Variants in CDH18 observed in about 807,000 individuals in gnomAD.
CDH18 encodes the protein cadherin-18.
Under a neutral mutation model 67.9 loss-of-function variants are expected in CDH18, and 31 were observed. That is an observed-to-expected ratio of 0.46 (90% CI 0.34 to 0.62). The LOEUF (loss-of-function observed/expected upper bound fraction) is 0.62. Ranked by LOEUF, CDH18 falls within the 20% of genes least tolerant of loss-of-function variation. The pLI is 0.01. For synonymous variants in CDH18, 362 were observed against 347.2 expected, an observed-to-expected ratio of 1.04 and a Z score of -0.48; for missense variants, 890 against 975.5, an observed-to-expected ratio of 0.91 and a Z score of 1.17.
At chr5:20,129,089 T>A (rs1749057049) in intron 2 of CDH18, among the ~76,000 whole-genome samples, 1 of 151,938 alleles carries the variant, frequency 6.6e-6, no homozygotes, top group South Asian at 2.1e-4. Flanking sequence ...ATAAGTAGCT[T>A]AAAGCATATG....
chr5:20,287,058 A>G (rs1022741198), intron 1 of CDH18, among the ~76,000 whole-genome samples: 2 of 151,618 alleles, frequency 1.3e-5, no homozygotes, highest in Non-Finnish European at 3.0e-5. Flanking sequence ...GCTAATTTGG[A>G]CTCTTAAGTT....
chr5:20,149,057 T>C (rs1297811552), intron 2 of CDH18, among the ~76,000 whole-genome samples: 1 of 152,174 alleles, frequency 6.6e-6, no homozygotes, highest in Non-Finnish European at 1.5e-5. Flanking sequence ...CTAAGGAATA[T>C]TGGTAGCTGA....
chr5:20,563,904 G>A (rs1758355306), intron 1 of CDH18, among the ~76,000 whole-genome samples: 1 of 152,016 alleles, frequency 6.6e-6, no homozygotes, highest in South Asian at 2.1e-4. Context: ...AAATAAACTA[G>A]TAGAGAAGCC....
At chr5:19,846,565 G>A (rs1782977941) in intron 2 of CDH18, among the ~76,000 whole-genome samples, 1 of 152,040 alleles carries the variant, frequency 6.6e-6, no homozygotes, top group Non-Finnish European at 1.5e-5. Context: ...TCAGCCCATT[G>A]TGGAGCTAAA....
intron 4 of CDH18, among the ~76,000 whole-genome samples, chr5:19,727,640 G>C (rs1019043373): frequency 3.3e-5 from 5 of 152,170 alleles, no homozygotes; most frequent in Admixed American, 3.3e-4. Flanking sequence ...GTGTGCTAGA[G>C]TTTCAGTGGG....
chr5:20,029,678 A>T (rs572277060), intron 2 of CDH18, among the ~76,000 whole-genome samples: 1 of 152,224 alleles, frequency 6.6e-6, no homozygotes, highest in Admixed American at 6.5e-5. Context: ...TGAATTTTAA[A>T]GTCTTATTAT....
At chr5:20,044,773 T>C (rs1360674613) in intron 2 of CDH18, among the ~76,000 whole-genome samples, 1 of 152,174 alleles carries the variant, frequency 6.6e-6, no homozygotes, top group Non-Finnish European at 1.5e-5. Context: ...CTCCATTTTG[T>C]CTCTCTATGT....
chr5:19,473,636 C>G lies in CDH18; in HGVS notation c.1963G>C (p.Val655Leu), dbSNP rs779693583. 3 of 1,613,684 alleles carry G rather than the reference C, an allele frequency of 1.9e-6. No homozygotes were observed. Among genetic ancestry groups the G allele is most frequent in the East Asian group, 2.2e-5 (1 of 44,886 alleles). ...CCTCCTTCATCATCATAGGTGACCACGTTCTCCCGTACATCCTCTTCTGAA... is the reference window on the plus strand; with the variant it reads ...CCTCCTTCATCATCATAGGTGACCAGGTTCTCCCGTACATCCTCTTCTGAA... ...IISEEDVREN[V>L]VTYDDEGGGE... The change falls in exon 13 of 13, where the codon GTG (valine) becomes CTG (leucine). Residue 655 changes from valine (V) to leucine (L), a missense_variant. Physicochemically the swap from Val to Leu is conservative, Grantham distance 32 (BLOSUM62 1). Coordinates refer to ENST00000382275, the MANE Select transcript of CDH18 (RefSeq NM_004934.5).
intron 1 of CDH18, among the ~76,000 whole-genome samples, chr5:20,376,842 C>A (rs1743487337): frequency 6.6e-6 from 1 of 151,692 alleles, no homozygotes; most frequent in African/African-American, 2.4e-5. Context: ...CATGGTGAAA[C>A]CCCATCTCTA....
intron 2 of CDH18, among the ~76,000 whole-genome samples, chr5:20,005,422 AC>A (rs1216258614): frequency 2.9e-5 from 2 of 70,142 alleles, no homozygotes; most frequent in African/African-American, 6.8e-5. Context: ...ATGTACACAC[AC>A]ACACACACAC....
intron 2 of CDH18, among the ~76,000 whole-genome samples, chr5:20,056,797 C>A (rs941951199): frequency 8.7e-5 from 13 of 149,626 alleles, no homozygotes; most frequent in Non-Finnish European, 1.3e-4. Context: ...CATTCTCCTG[C>A]CTCAGTCTCC....
intron 1 of CDH18, among the ~76,000 whole-genome samples, chr5:20,543,586 T>C (rs151316129): frequency 4.5e-4 from 69 of 152,242 alleles, no homozygotes; most frequent in Non-Finnish European, 7.8e-4. Flanking sequence ...TTAAATAGAA[T>C]AGAAGTTGTA....
chr5:20,248,740 A>C (rs1217638590), intron 2 of CDH18, among the ~76,000 whole-genome samples: 1 of 152,196 alleles, frequency 6.6e-6, no homozygotes, highest in Non-Finnish European at 1.5e-5. Context: ...TTAAAAATAC[A>C]AGCATAAGCG....
chr5:20,098,456 G>C (rs1561789109), intron 2 of CDH18, among the ~76,000 whole-genome samples: 1 of 151,960 alleles, frequency 6.6e-6, no homozygotes, highest in Admixed American at 6.6e-5. Flanking sequence ...ATTACCGAAA[G>C]GTTTTACTCT....
At chr5:20,549,008 A>G (rs1220994717) in intron 1 of CDH18, among the ~76,000 whole-genome samples, 1 of 152,172 alleles carries the variant, frequency 6.6e-6, no homozygotes, top group African/African-American at 2.4e-5. Context: ...TAGTAAAGGA[A>G]TAGAATCTAT....
intron 5 of CDH18, among the ~76,000 whole-genome samples, chr5:19,679,253 CCCCTTCA>C (rs1268738690): frequency 1.3e-5 from 2 of 151,886 alleles, no homozygotes; most frequent in Admixed American, 6.6e-5. Flanking sequence ...CACTTCAACA[CCCCTTCA>C]TGTTGAAAAT....
At chr5:20,239,879 CAT>C (rs745808823) in intron 2 of CDH18, among the ~76,000 whole-genome samples, 4 of 150,868 alleles carry the variant, frequency 2.7e-5, no homozygotes, top group African/African-American at 4.9e-5. Context: ...ATGATGCACA[CAT>C]GTTATGAGGT....
chr5:19,942,896 C>T (rs573633768), intron 2 of CDH18, among the ~76,000 whole-genome samples: 1 of 152,262 alleles, frequency 6.6e-6, no homozygotes, highest in African/African-American at 2.4e-5. Flanking sequence ...GGCTTAATTA[C>T]TGGCACATAG....
chr5:20,022,729 G>C (rs747891784), intron 2 of CDH18, among the ~76,000 whole-genome samples: 1 of 152,078 alleles, frequency 6.6e-6, no homozygotes, highest in Non-Finnish European at 1.5e-5. Context: ...TTGTACCATA[G>C]GTAATTTAAC....
Sources: gnomAD v4.1 joint callset for allele counts (sites outside exome capture counted in the v4.1 genomes callset) on GRCh38, gnomAD v4.1.1 for gene constraint, MANE v1.5 for transcripts, NCBI Gene and HGNC (gene_info 2026-07-23, HGNC 2026-07-21) for gene names.